KCTD1: variants seen among roughly 807,000 people sequenced by gnomAD.
The protein encoded by KCTD1 is BTB/POZ domain-containing protein KCTD1.
A neutral mutation model predicts 66.0 loss-of-function variants in KCTD1; 24 were observed. The ratio of observed to expected loss-of-function variants is 0.36; its 90% CI spans 0.26 to 0.51. The LOEUF is 0.51. Among genes scored for constraint, KCTD1 ranks in the 20% least tolerant of loss-of-function variants. The pLI is 0.95. For synonymous variants in KCTD1, 511 were observed against 517.2 expected, an observed-to-expected ratio of 0.99 and a Z score of 0.16; for missense variants, 943 against 1,205.2, an observed-to-expected ratio of 0.78 and a Z score of 3.22.
chr18:26,552,990 T>TC (rs1419450891), upstream of KCTD1, among the ~76,000 whole-genome samples: 31 of 150,602 alleles, frequency 2.1e-4, no homozygotes, highest in East Asian at 9.7e-4. Flanking sequence ...TTTCTTTCTT[T>TC]TTTTTTTTTT....
chr18:26,486,808 G>A (rs1459379891), intron 2 of KCTD1, among the ~76,000 whole-genome samples: 2 of 152,132 alleles, frequency 1.3e-5, no homozygotes, highest in African/African-American at 2.4e-5. Flanking sequence ...CACTATGAGA[G>A]GAGTATGGCC....
At chr18:26,501,612 AC>A (rs1982767468) in intron 1 of KCTD1, among the ~76,000 whole-genome samples, 1 of 152,224 alleles carries the variant, frequency 6.6e-6, no homozygotes, top group African/African-American at 2.4e-5. Context: ...AACACTTCAA[AC>A]AATACATATC....
chr18:26,514,058 A>G (rs1384712083), intron 1 of KCTD1, among the ~76,000 whole-genome samples: 1 of 152,222 alleles, frequency 6.6e-6, no homozygotes, highest in African/African-American at 2.4e-5. Context: ...TTATTGGAGT[A>G]TCATTTACTT....
intron 1 of KCTD1, among the ~76,000 whole-genome samples, chr18:26,619,592 A>G (rs1987328294): frequency 6.6e-6 from 1 of 152,186 alleles, no homozygotes; most frequent in Non-Finnish European, 1.5e-5. Flanking sequence ...GGCTGTCGAC[A>G]GCTATTCAGG....
intron 3 of KCTD1, among the ~76,000 whole-genome samples, chr18:26,463,994 G>A (rs942609094): frequency 2.0e-5 from 3 of 152,140 alleles, no homozygotes; most frequent in Non-Finnish European, 1.5e-5. Flanking sequence ...ATGCAAACAG[G>A]CCAGGTTTTG....
chr18:26,486,140 A>G, intron 2 of KCTD1, among the ~76,000 whole-genome samples: 1 of 152,124 alleles, frequency 6.6e-6, no homozygotes, highest in South Asian at 2.1e-4. Flanking sequence ...CGAACTCCTG[A>G]CCTCAAGCGA....
At chr18:26,532,436 T>A (rs755514223) in intron 1 of KCTD1, among the ~76,000 whole-genome samples, 4 of 151,914 alleles carry the variant, frequency 2.6e-5, no homozygotes, top group Admixed American at 6.6e-5. Context: ...GCTACATTTT[T>A]AAATTTTTGT....
At chr18:26,470,436 G>A (rs995206368) in intron 3 of KCTD1, among the ~76,000 whole-genome samples, 1 of 152,172 alleles carries the variant, frequency 6.6e-6, no homozygotes, top group Non-Finnish European at 1.5e-5. Flanking sequence ...AGGATGTGAC[G>A]CCTGGAATGG....
At chr18:26,478,535 G>A (rs555090583) in intron 2 of KCTD1, among the ~76,000 whole-genome samples, 1 of 152,334 alleles carries the variant, frequency 6.6e-6, no homozygotes, top group East Asian at 1.9e-4. Flanking sequence ...TTTAGTAAGA[G>A]AGGAAAAGTA....
chr18:26,492,057 CAA>C (rs988345521), intron 2 of KCTD1, among the ~76,000 whole-genome samples: 3 of 152,046 alleles, frequency 2.0e-5, no homozygotes, highest in African/African-American at 7.2e-5. Flanking sequence ...GCCTAGGTAA[CAA>C]AGTGAGACCT....
At chr18:26,602,536 T>G (rs978761106) in intron 1 of KCTD1, among the ~76,000 whole-genome samples, 1 of 152,224 alleles carries the variant, frequency 6.6e-6, no homozygotes, top group Non-Finnish European at 1.5e-5. Flanking sequence ...AAGCAAATGG[T>G]ATAAAATACC....
Position 26,571,212 on chromosome 18 carries a change from C to T in KCTD1, c.-16+57935G>A, listed in dbSNP as rs1598946534. Among the ~76,000 whole-genome samples the T allele has an allele frequency of 2.0e-5, 3 of 152,164 alleles. No individual in the cohort carries two copies. The East Asian group carries it at 5.8e-4, about 29-fold the overall frequency. ...TTCTGCATTAACAGAATGTCCCTTG[C>T]ACATAGCAGGCCAGTAAATACAAGT... On this transcript the variant is annotated intron_variant, in intron 1 of 4. Coordinates refer to the KCTD1 transcript ENST00000317932.
At chr18:26,515,025 C>G (rs900674592) in intron 1 of KCTD1, among the ~76,000 whole-genome samples, 1 of 152,156 alleles carries the variant, frequency 6.6e-6, no homozygotes, top group African/African-American at 2.4e-5. Flanking sequence ...TTGAGCTATT[C>G]TTTATAATTT....
intron 1 of KCTD1, chr18:26,565,661 G>A (rs1985964510): frequency 6.6e-6 from 1 of 151,848 alleles, no homozygotes; most frequent in Non-Finnish European, 1.5e-5. Context: ...GCTTGTGTGG[G>A]AGTGAGCCAT....
chr18:26,476,957 C>T lies in KCTD1; in HGVS notation c.1989-298G>A, dbSNP rs185069280. Reference sequence around the variant, plus strand: ...CTGTCACTGTAATGGAAGATCACATCTTTCCCCGTGTTACTTAAAACAAGC... The same window carrying T: ...CTGTCACTGTAATGGAAGATCACATTTTTCCCCGTGTTACTTAAAACAAGC... On this transcript the variant is annotated intron_variant, in intron 2 of 4. Transcript: ENST00000580059. The surrounding 1 kb of genome is among the most constrained non-coding windows in gnomAD (Gnocchi z 4.9). 214 of 262,732 alleles carry T rather than the reference C, an allele frequency of 8.1e-4. 2 individuals carry two copies. Among genetic ancestry groups the T allele is most frequent in the Non-Finnish European group, 1.3e-3 (181 of 141,422 alleles). The allele number at this position is 262,732 out of a possible 1,614,324, so 16.3% of individuals were successfully genotyped here.
At chr18:26,514,088 C>G (rs2144725855) in intron 1 of KCTD1, among the ~76,000 whole-genome samples, 1 of 152,202 alleles carries the variant, frequency 6.6e-6, no homozygotes, top group Non-Finnish European at 1.5e-5. Context: ...TTTTATTGTT[C>G]TAGAATATTA....
At chr18:26,570,583 T>C (rs8096720) in intron 1 of KCTD1, among the ~76,000 whole-genome samples, 12,728 of 152,032 alleles carry the variant, frequency 0.084, 1,343 homozygotes, top group African/African-American at 0.25. Context: ...TAGTTTATTT[T>C]TTATTTTTGT....
At chr18:26,656,105 TCCC>T (rs1479332762) in intron 1 of KCTD1, among the ~76,000 whole-genome samples, 1 of 151,996 alleles carries the variant, frequency 6.6e-6, no homozygotes, top group Non-Finnish European at 1.5e-5. Context: ...ACTGAATCCC[TCCC>T]GCCCACCTCT....
Position 26,484,213 on chromosome 18 carries a change from A to G in KCTD1, c.1989-7554T>C, listed in dbSNP as rs1981798739. On this transcript the variant is annotated intron_variant, in intron 2 of 4. Coordinates refer to ENST00000580059, the MANE Select transcript of KCTD1 (RefSeq NM_001142730.3). ...CATCTATATTTCATGAACACAGATA[A>G]AAATTAATTCAGAGCTTGTTATAGA... Among the ~76,000 whole-genome samples, 3 of 152,236 alleles carry G rather than the reference A, an allele frequency of 2.0e-5. 1 individual carries two copies. In the South Asian group the frequency reaches 6.2e-4, roughly 31 times the overall value.
Sources: gnomAD v4.1 joint callset for allele counts (sites outside exome capture counted in the v4.1 genomes callset) on GRCh38, gnomAD v4.1.1 for gene constraint, Gnocchi (gnomAD v3.1) non-coding constraint, MANE v1.5 for transcripts, NCBI Gene and HGNC (gene_info 2026-07-23, HGNC 2026-07-21) for gene names.